The following NDUFAF6 variants were observed in gnomAD, a reference collection of about 807,000 sequenced individuals.
NDUFAF6 encodes NADH:ubiquinone oxidoreductase complex assembly factor 6.
In NDUFAF6, 45 loss-of-function variants were observed where a neutral mutation model predicts 40.8. The observed-to-expected ratio is 1.10, with a 90% CI of 0.87 to 1.42. The LOEUF (loss-of-function observed/expected upper bound fraction) is 1.42. Among genes scored for constraint, NDUFAF6 ranks in the 40% most tolerant of loss-of-function variants. The probability of loss-of-function intolerance (pLI) is 0.00; values close to 1 mark genes in which losing one functional copy is unlikely to be tolerated. For synonymous variants in NDUFAF6, 185 were observed against 155.9 expected, an observed-to-expected ratio of 1.19 and a Z score of -1.39; for missense variants, 435 against 418.5, an observed-to-expected ratio of 1.04 and a Z score of -0.34.
At chr8:94,909,266 T>C (rs1396089054) in intron 1 of NDUFAF6, among the ~76,000 whole-genome samples, 1 of 142,416 alleles carries the variant, frequency 7.0e-6, no homozygotes, top group Non-Finnish European at 1.5e-5. Flanking sequence ...GGAGAATAGC[T>C]TGAACCTGGG....
intron 1 of NDUFAF6, among the ~76,000 whole-genome samples, chr8:94,932,846 T>TA (rs955951703): frequency 2.6e-5 from 4 of 152,066 alleles, no homozygotes; most frequent in African/African-American, 7.2e-5. Flanking sequence ...ATAAGGATGT[T>TA]AAAAAAATTA....
chr8:94,919,117 C>G (rs868326686), intron 1 of NDUFAF6, among the ~76,000 whole-genome samples: 12 of 152,226 alleles, frequency 7.9e-5, no homozygotes, highest in African/African-American at 2.6e-4. Flanking sequence ...AAAATCTTAC[C>G]CCAATAGATG....
chr8:95,029,420 T>G (rs1431605425), intron 1 of NDUFAF6, among the ~76,000 whole-genome samples: 1 of 152,236 alleles, frequency 6.6e-6, no homozygotes, highest in African/African-American at 2.4e-5. Context: ...GACATGATAC[T>G]TCATTAACTG....
upstream of NDUFAF6, among the ~76,000 whole-genome samples, chr8:95,098,908 T>G: frequency 6.9e-6 from 1 of 145,342 alleles, no homozygotes; most frequent in East Asian, 2.1e-4. Context: ...GGCGACAGAG[T>G]AAGACTCTGT....
intron 2 of NDUFAF6, among the ~76,000 whole-genome samples, chr8:95,015,373 T>C (rs932107238): frequency 1.3e-5 from 2 of 152,218 alleles, no homozygotes; most frequent in Non-Finnish European, 2.9e-5. Flanking sequence ...AAAAGACTAT[T>C]TATGACAAGG....
chr8:94,983,606 A>G (rs142808586), intron 2 of NDUFAF6, among the ~76,000 whole-genome samples: 1 of 152,244 alleles, frequency 6.6e-6, no homozygotes, highest in Admixed American at 6.5e-5. Context: ...TTGTACTGGT[A>G]TTATTTCATT....
intron 2 of NDUFAF6, chr8:95,034,209 C>T (rs1829209874): frequency 2.7e-6 from 1 of 364,186 alleles, no homozygotes; most frequent in African/African-American, 2.1e-5. Flanking sequence ...TATATATACA[C>T]ATTTCTCTTT....
chr8:95,034,281 T>G (rs1013344940), intron 2 of NDUFAF6, among the ~76,000 whole-genome samples: 4 of 152,244 alleles, frequency 2.6e-5, no homozygotes, highest in African/African-American at 9.6e-5. Context: ...AACTTGATTG[T>G]GTGTCTCATA....
At chr8:95,085,193 G>A (rs759720751) in intron 2 of NDUFAF6, among the ~76,000 whole-genome samples, 21 of 152,220 alleles carry the variant, frequency 1.4e-4, no homozygotes, top group Non-Finnish European at 1.9e-4. Context: ...ATCCAGGGTC[G>A]GTTTGTCCCA....
chr8:94,946,696 C>CA (rs71273438), intron 2 of NDUFAF6, among the ~76,000 whole-genome samples: 2,391 of 34,646 alleles, frequency 0.069, 382 homozygotes, highest in Non-Finnish European at 0.082. Flanking sequence ...GACCCTGTCT[C>CA]AAAAAAAAAA....
intron 1 of NDUFAF6, 58 bp from the exon 2 acceptor site, chr8:95,031,937 T>A: frequency 6.6e-7 from 1 of 1,515,368 alleles, no homozygotes; most frequent in South Asian, 1.1e-5. Context: ...TTAGTCAGTA[T>A]TTTTTTGTGC....
chr8:94,989,192 G>C (rs746028874), intron 2 of NDUFAF6: 28 of 152,314 alleles, frequency 1.8e-4, no homozygotes, highest in Non-Finnish European at 4.0e-4. Flanking sequence ...AAATGAAACA[G>C]TGATTTCCAC....
At chr8:95,036,305 T>C in intron 3 of NDUFAF6, 1 of 1,284,718 alleles carries the variant, frequency 7.8e-7, no homozygotes, top group African/African-American at 1.5e-5. Flanking sequence ...AATGCAGTGA[T>C]TGCCAAAAGA....
At chr8:94,963,676 A>G (rs921835816) in intron 1 of NDUFAF6, among the ~76,000 whole-genome samples, 13 of 152,218 alleles carry the variant, frequency 8.5e-5, no homozygotes, top group Non-Finnish European at 1.8e-4. Flanking sequence ...TGCAGAGCCA[A>G]CTTCAGGAAA....
At chr8:95,043,526 C>T (rs1381325073) in intron 4 of NDUFAF6, among the ~76,000 whole-genome samples, 1 of 151,778 alleles carries the variant, frequency 6.6e-6, no homozygotes, top group Non-Finnish European at 1.5e-5. Flanking sequence ...GAAACTCTTA[C>T]AACTCAAGAA....
intron 2 of NDUFAF6, among the ~76,000 whole-genome samples, chr8:95,010,739 T>C (rs1827192862): frequency 6.6e-6 from 1 of 151,952 alleles, no homozygotes; most frequent in Non-Finnish European, 1.5e-5. Flanking sequence ...TAAAAAAAAA[T>C]CCTACTAGTG....
chr8:94,999,734 A>T (rs1563780519), intron 2 of NDUFAF6, among the ~76,000 whole-genome samples: 1 of 152,142 alleles, frequency 6.6e-6, no homozygotes, highest in Non-Finnish European at 1.5e-5. Flanking sequence ...TTTATTTTTT[A>T]AAATGCTAGT....
rs1359431728 is a variant in NDUFAF6, at chr8:95,048,065, A to G, written c.715-392A>G. Among the ~76,000 whole-genome samples the G allele has an allele frequency of 2.6e-5, 4 of 151,928 alleles. No individual in the cohort carries two copies. In the South Asian group the frequency reaches 6.2e-4, roughly 24 times the overall value. ...AAAAATTAGCTGGGTGTGTTGGTGC[A>G]CACCTATAGTCCCAGCTACTCAGGA... On this transcript the variant is annotated intron_variant, in intron 6 of 8. Transcript: ENST00000396124.
In NDUFAF6 at chr8:95,048,545, T is replaced by C. The variant is rs1831069873; in HGVS notation, c.803T>C (p.Leu268Ser). ...TATGACATTGCCAGTCAAGCACACT[T>C]GCACCTAAAGCATGTAAGTCGGCTT... ...VIYDIASQAH[L>S]HLKHARSFHK... is the part of the protein sequence containing the mutation. The change falls in exon 7 of 9, where the codon TTG becomes TCG. Residue 268 changes from leucine (L) to serine (S), a missense_variant. By Grantham distance (145) the Leu-to-Ser change is moderately radical (BLOSUM62 -2). Coordinates refer to ENST00000396124, the MANE Select transcript of NDUFAF6 (RefSeq NM_152416.4). 1 of 1,613,926 alleles carries C rather than the reference T, an allele frequency of 6.2e-7. No homozygotes were observed. The highest frequency in any genetic ancestry group is 1.7e-5 in the Admixed American group (1 of 60,024).
Sources: gnomAD v4.1 joint callset for allele counts (sites outside exome capture counted in the v4.1 genomes callset) on GRCh38, gnomAD v4.1.1 for gene constraint, MANE v1.5 for transcripts, NCBI Gene and HGNC (gene_info 2026-07-23, HGNC 2026-07-21) for gene names.